LURAP1L: variants seen among roughly 807,000 people sequenced by gnomAD.
LURAP1L encodes the protein leucine rich adaptor protein 1-like.
In LURAP1L, 12 loss-of-function variants were observed where a neutral mutation model predicts 13.8. The ratio of observed to expected loss-of-function variants is 0.87; its 90% confidence interval spans 0.56 to 1.41. The LOEUF is 1.41. Among genes scored for constraint, LURAP1L ranks in the 40% most tolerant of loss-of-function variants. The pLI is 0.00. For missense variants in LURAP1L, 375 were observed against 292.9 expected (o/e 1.28, Z -2.04); for synonymous variants, 139 against 119.2 (o/e 1.17, Z -1.08).
At chr9:12,805,377 T>A (rs1349117507) in intron 1 of LURAP1L, among the ~76,000 whole-genome samples, 1 of 152,182 alleles carries the variant, frequency 6.6e-6, no homozygotes, top group African/African-American at 2.4e-5. Context: ...ATTCTTATTA[T>A]GATAAATAGT....
intron 1 of LURAP1L, among the ~76,000 whole-genome samples, chr9:12,819,248 T>A (rs2118554023): frequency 6.6e-6 from 1 of 152,332 alleles, no homozygotes; most frequent in East Asian, 1.9e-4. Flanking sequence ...ATGAAGTGAC[T>A]CAAGTCACTT....
chr9:12,801,810 A>G (rs534745006), intron 1 of LURAP1L, among the ~76,000 whole-genome samples: 44 of 152,228 alleles, frequency 2.9e-4, no homozygotes, highest in Admixed American at 6.5e-4. Flanking sequence ...GGGAATTTTA[A>G]CAACTGTAAT....
At chr9:12,807,020 CAAAAA>C (rs71329888) in intron 1 of LURAP1L, among the ~76,000 whole-genome samples, 224 of 21,872 alleles carry the variant, frequency 0.01, no homozygotes, top group African/African-American at 0.036. Flanking sequence ...GACTCCGTCT[CAAAAA>C]AAAAAAAAAA....
intron 1 of LURAP1L, among the ~76,000 whole-genome samples, chr9:12,803,309 G>C (rs886990285): frequency 1.3e-5 from 2 of 152,190 alleles, no homozygotes; most frequent in African/African-American, 4.8e-5. Context: ...GAATTTTGAA[G>C]ATGATCCTCA....
chr9:12,781,651 G>C (rs187145579), intron 1 of LURAP1L, among the ~76,000 whole-genome samples: 1 of 151,994 alleles, frequency 6.6e-6, no homozygotes, highest in Admixed American at 6.6e-5. Context: ...TTCTTTATCC[G>C]TTTGTCTCTT....
intron 1 of LURAP1L, among the ~76,000 whole-genome samples, chr9:12,815,776 T>C (rs16929598): frequency 0.033 from 5,035 of 152,276 alleles, 310 homozygotes; most frequent in African/African-American, 0.12. Context: ...TTGGAAGATA[T>C]ATTCAGCAGC....
At chr9:12,784,909 G>A (rs1273474314) in intron 1 of LURAP1L, among the ~76,000 whole-genome samples, 1 of 151,938 alleles carries the variant, frequency 6.6e-6, no homozygotes, top group Non-Finnish European at 1.5e-5. Flanking sequence ...CTTGGTAGCT[G>A]AGCTGATACC....
At chr9:12,791,167 G>C (rs886945978) in intron 1 of LURAP1L, among the ~76,000 whole-genome samples, 1 of 152,054 alleles carries the variant, frequency 6.6e-6, no homozygotes, top group South Asian at 2.1e-4. Context: ...TGGATGAATG[G>C]AATGAGGAAG....
chr9:12,775,606 T>C lies in LURAP1L; in HGVS notation c.-110T>C. 1.4e-6 allele frequency: 2 copies of C among 1,454,000 alleles called. No homozygotes were observed. The highest frequency in any genetic ancestry group is 1.8e-6 in the Non-Finnish European group (2 of 1,103,132). The allele number at this position is 1,454,000 out of a possible 1,614,324, so 90.1% of individuals were successfully genotyped here. A position where few individuals can be genotyped will look rare whatever the true frequency, so the allele number is the denominator to read the frequency against. On this transcript the variant is annotated 5_prime_UTR_variant, in exon 1 of 2. It removes the in-frame stop codon of an upstream open reading frame in the 5' UTR. Transcript: ENST00000319264. ...GACGGTACACCGGAGCGGCGGAGGA[T>C]AGAGACCCTGGCCCCCGGAGAGGTC...
At chr9:12,786,666 G>T (rs1296598325) in intron 1 of LURAP1L, among the ~76,000 whole-genome samples, 1 of 147,340 alleles carries the variant, frequency 6.8e-6, no homozygotes, top group Non-Finnish European at 1.5e-5. Flanking sequence ...GCTCATCTGG[G>T]ATGCTCATGA....
intron 1 of LURAP1L, among the ~76,000 whole-genome samples, chr9:12,796,661 T>C (rs1819515071): frequency 6.6e-6 from 1 of 152,078 alleles, no homozygotes; most frequent in African/African-American, 2.4e-5. Flanking sequence ...TCTTGATTTA[T>C]TTTTCTTTTG....
intron 1 of LURAP1L, among the ~76,000 whole-genome samples, chr9:12,791,346 ATT>A (rs1819438023): frequency 6.6e-6 from 1 of 151,960 alleles, no homozygotes; most frequent in African/African-American, 2.4e-5. Flanking sequence ...TCCCCCTAAA[ATT>A]TTTTGTCTCT....
At chr9:12,805,127 C>T (rs1249769751) in intron 1 of LURAP1L, among the ~76,000 whole-genome samples, 2 of 152,044 alleles carry the variant, frequency 1.3e-5, no homozygotes, top group African/African-American at 2.4e-5. Context: ...TCTAAAGATT[C>T]ATCTTGATTC....
At chr9:12,802,273 C>A (rs1312217754) in intron 1 of LURAP1L, among the ~76,000 whole-genome samples, 1 of 152,128 alleles carries the variant, frequency 6.6e-6, no homozygotes, top group African/African-American at 2.4e-5. Context: ...GTGTCCCCAC[C>A]CAAGTCTCAT....
At chr9:12,812,502 C>T (rs144410655) in intron 1 of LURAP1L, among the ~76,000 whole-genome samples, 2 of 152,264 alleles carry the variant, frequency 1.3e-5, no homozygotes, top group East Asian at 3.9e-4. Flanking sequence ...CAAGTCAGTT[C>T]TCCCCTACAA....
intron 1 of LURAP1L, among the ~76,000 whole-genome samples, chr9:12,782,143 T>C (rs1375242374): frequency 6.6e-6 from 1 of 152,242 alleles, no homozygotes; most frequent in Admixed American, 6.5e-5. Flanking sequence ...GCTACTTATG[T>C]ATTCTGCCAG....
At chr9:12,782,590 G>T (rs2118465557) in intron 1 of LURAP1L, among the ~76,000 whole-genome samples, 1 of 152,246 alleles carries the variant, frequency 6.6e-6, no homozygotes, top group Middle Eastern at 3.4e-3. Context: ...TTGTTCCATT[G>T]CTCAGTGTGT....
At chr9:12,808,894 C>G (rs1819699072) in intron 1 of LURAP1L, among the ~76,000 whole-genome samples, 1 of 152,044 alleles carries the variant, frequency 6.6e-6, no homozygotes, top group Non-Finnish European at 1.5e-5. Flanking sequence ...AAAGGAATAC[C>G]TGAGACTGGT....
At chr9:12,784,019 C>T (rs1313529456) in intron 1 of LURAP1L, among the ~76,000 whole-genome samples, 1 of 152,014 alleles carries the variant, frequency 6.6e-6, no homozygotes, top group Non-Finnish European at 1.5e-5. Context: ...AGAATTTCAG[C>T]TTGATTTTTA....
Sources: allele counts gnomAD v4.1 joint callset (sites outside exome capture counted in the v4.1 genomes callset), GRCh38; gene constraint gnomAD v4.1.1; transcripts MANE v1.5; gene names NCBI Gene and HGNC (gene_info 2026-07-23, HGNC 2026-07-21).